The following PTP4A1 variants were observed in gnomAD, a reference collection of about 807,000 sequenced individuals.
The protein encoded by PTP4A1 is protein tyrosine phosphatase type IVA 1.
A neutral mutation model predicts 20.5 loss-of-function variants in PTP4A1; 9 were observed. The observed-to-expected ratio is 0.44, with a 90% CI of 0.26 to 0.77. PTP4A1 has a LOEUF of 0.77. Among genes scored for constraint, PTP4A1 ranks in the 30% least tolerant of loss-of-function variants. PTP4A1 has a pLI of 0.19. For missense variants in PTP4A1, 137 were observed against 218.8 expected, an observed-to-expected ratio of 0.63 and a Z score of 2.36; for synonymous variants, 78 against 67.4, an observed-to-expected ratio of 1.16 and a Z score of -0.77.
intron 1 of PTP4A1, 138 bp from the exon 2 acceptor site, chr6:63,576,298 T>G (rs1188919618): frequency 2.6e-6 from 1 of 386,804 alleles, no homozygotes; most frequent in Non-Finnish European, 4.6e-6. Context: ...GTTTTGCAAT[T>G]CAAGTAAAAG....
Position 63,576,887 on chromosome 6 carries a change from C to A in PTP4A1, c.7C>A (p.Arg3=). 1 of 1,611,876 alleles carries A rather than the reference C, an allele frequency of 6.2e-7. No homozygotes were observed. Among genetic ancestry groups the A allele is most frequent in the Non-Finnish European group, 8.5e-7 (1 of 1,179,568 alleles). Residue 3 remains arginine (R), a synonymous_variant, in exon 2 of 6, where the codon CGA becomes AGA. Coordinates refer to ENST00000626021, the MANE Select transcript of PTP4A1 (RefSeq NM_003463.5). ...GTTTTTTAACTAAATTAACATGGCT[C>A]GAATGAACCGCCCAGCTCCTGTGGA... MA[R]MNRPAPVEVT...
In PTP4A1 at chr6:63,582,961, A is replaced by T. The variant is rs529848475; in HGVS notation, c.*2787A>T. ...AATGATGTAGTCCCTCAACTTGGCT[A>T]AAGAATCTCAATCTCTTGAAATTTA... On this transcript the variant is annotated 3_prime_UTR_variant, in exon 6 of 6. Transcript: ENST00000626021. The T allele has an allele frequency of 2.0e-5, 3 of 152,202 alleles. No individual in the cohort carries two copies. Among genetic ancestry groups the T allele is most frequent in the Non-Finnish European group, 2.9e-5 (2 of 68,038 alleles). The allele number at this position is 152,202 out of a possible 1,614,324, so 9.4% of individuals were successfully genotyped here.
At chr6:63,526,833 A>ATATATATATATT (rs1486980690) in intron 1 of PTP4A1, among the ~76,000 whole-genome samples, 56 of 128,022 alleles carry the variant, frequency 4.4e-4, no homozygotes, top group African/African-American at 9.7e-4. Context: ...ATATATATAT[A>ATATATATATATT]TATTTATTTA....
intron 3 of PTP4A1, among the ~76,000 whole-genome samples, chr6:63,564,658 T>C (rs1777111402): frequency 6.6e-6 from 1 of 152,160 alleles, no homozygotes; most frequent in Non-Finnish European, 1.5e-5. Context: ...TATACTCCAT[T>C]CCCTTTCTCT....
At chr6:63,548,869 C>T (rs1776312711) in intron 2 of PTP4A1, 13 of 770,000 alleles carry the variant, frequency 1.7e-5, no homozygotes, top group South Asian at 8.1e-5. Context: ...TTAGCCAAAG[C>T]GCCTTTGTCT....
At chr6:63,536,616 A>G (rs1355224819) in intron 2 of PTP4A1, among the ~76,000 whole-genome samples, 1 of 152,104 alleles carries the variant, frequency 6.6e-6, no homozygotes, top group African/African-American at 2.4e-5. Flanking sequence ...ACTTTATAAT[A>G]TTTTTCTACT....
At chr6:63,539,648 A>G (rs985978942) in intron 2 of PTP4A1, among the ~76,000 whole-genome samples, 8 of 152,136 alleles carry the variant, frequency 5.3e-5, no homozygotes, top group African/African-American at 1.9e-4. Context: ...CTGTGCCTGT[A>G]GTCCCAGCTA....
intron 3 of PTP4A1, among the ~76,000 whole-genome samples, chr6:63,563,271 C>T (rs1019542994): frequency 1.3e-5 from 2 of 152,326 alleles, no homozygotes; most frequent in Non-Finnish European, 2.9e-5. Context: ...CTTTCCATGG[C>T]CTACAAGGTC....
chr6:63,533,672 C>T (rs1775572438), intron 2 of PTP4A1, among the ~76,000 whole-genome samples: 1 of 151,974 alleles, frequency 6.6e-6, no homozygotes, highest in Non-Finnish European at 1.5e-5. Flanking sequence ...ATGGTTATTA[C>T]TTGGGAGGAC....
intron 2 of PTP4A1, among the ~76,000 whole-genome samples, chr6:63,533,320 T>A (rs1163036105): frequency 6.6e-6 from 1 of 152,140 alleles, no homozygotes; most frequent in African/African-American, 2.4e-5. Flanking sequence ...AGGCAGAGGT[T>A]ACAGTGAGCC....
Position 63,576,956 on chromosome 6 carries a change from A to G in PTP4A1, c.76A>G (p.Thr26Ala). The G allele has an allele frequency of 6.2e-7, 1 of 1,613,940 alleles. No homozygotes were observed. Among genetic ancestry groups the G allele is most frequent in the Non-Finnish European group, 8.5e-7 (1 of 1,179,852 alleles). The change falls in exon 2 of 6, where the codon ACC becomes GCC. Residue 26 changes from threonine (T) to alanine (A), a missense_variant. Coordinates refer to ENST00000626021, the MANE Select transcript of PTP4A1 (RefSeq NM_003463.5). ...NMRFLITHNPTNATLNKFIEE... is the reference protein window; with the variant it reads ...NMRFLITHNPANATLNKFIEE... ...GAGATTTCTTATTACACACAATCCA[A>G]CCAATGCGACCTTAAACAAATTTAT...
chr6:63,538,397 T>C (rs1775810581), intron 2 of PTP4A1, among the ~76,000 whole-genome samples: 1 of 152,244 alleles, frequency 6.6e-6, no homozygotes, highest in Non-Finnish European at 1.5e-5. Context: ...CTGAATGATT[T>C]AGCAATTGAA....
In PTP4A1 at chr6:63,580,227, G is replaced by T. The variant is rs1778139899; in HGVS notation, c.*53G>T. 2 of 1,357,198 alleles carry T rather than the reference G, an allele frequency of 1.5e-6. No homozygotes were observed. The highest frequency in any genetic ancestry group is 2.9e-5 in the African/African-American group (2 of 69,228). 84.1% of individuals were successfully genotyped at this position (1,357,198 alleles called of 1,614,324 possible). On this transcript the variant is annotated 3_prime_UTR_variant, in exon 6 of 6. Coordinates refer to ENST00000626021, the MANE Select transcript of PTP4A1 (RefSeq NM_003463.5). ...TGGAACTTGAGATAGGGCCTAATTT[G>T]TTATACATATTAGCCAACATGTTGG... is the stretch of plus-strand genomic sequence containing the variant.
chr6:63,562,474 C>A (rs1777007060), intron 3 of PTP4A1, among the ~76,000 whole-genome samples: 1 of 152,216 alleles, frequency 6.6e-6, no homozygotes, highest in Non-Finnish European at 1.5e-5. Context: ...GCTGGGATTA[C>A]AGGCGTGAGC....
At chr6:63,571,934 G>A (rs1777448538), upstream of PTP4A1, 1 of 152,162 alleles carries the variant, frequency 6.6e-6, no homozygotes, top group African/African-American at 2.4e-5. Context: ...TGAGTCACCG[G>A]GTACAGCGGT....
At chr6:63,530,050 T>G (rs893523563) in intron 2 of PTP4A1, among the ~76,000 whole-genome samples, 4 of 152,166 alleles carry the variant, frequency 2.6e-5, no homozygotes, top group African/African-American at 9.7e-5. Context: ...GAAGATTAAC[T>G]GTTTCTCGAG....
intron 3 of PTP4A1, among the ~76,000 whole-genome samples, chr6:63,559,868 C>A (rs1776859767): frequency 6.6e-6 from 1 of 152,152 alleles, no homozygotes; most frequent in South Asian, 2.1e-4. Context: ...CTCAAACAAT[C>A]CTCCTGCCTT....
chr6:63,559,482 C>T (rs906877819), intron 3 of PTP4A1, among the ~76,000 whole-genome samples: 5 of 152,174 alleles, frequency 3.3e-5, no homozygotes, highest in African/African-American at 1.2e-4. Flanking sequence ...TGCAGTGGCT[C>T]ACACCTGTAA....
At chr6:63,542,877 C>T (rs942378667) in intron 2 of PTP4A1, among the ~76,000 whole-genome samples, 2 of 152,190 alleles carry the variant, frequency 1.3e-5, no homozygotes, top group Non-Finnish European at 2.9e-5. Context: ...GATCATGTCT[C>T]CTAAACTACT....
Sources: gnomAD v4.1 joint callset for allele counts (sites outside exome capture counted in the v4.1 genomes callset) on GRCh38, gnomAD v4.1.1 for gene constraint, MANE v1.5 for transcripts, NCBI Gene and HGNC (gene_info 2026-07-23, HGNC 2026-07-21) for gene names.